NKIRAS1: variants seen among roughly 807,000 people sequenced by gnomAD.
NKIRAS1 encodes the protein NFKB inhibitor interacting Ras like 1, also known as NF-kappa-B inhibitor-interacting Ras-like protein 1.
Under a neutral mutation model 19.8 loss-of-function variants are expected in NKIRAS1, and 16 were observed. The ratio of observed to expected loss-of-function variants is 0.81; its 90% CI spans 0.55 to 1.23. The LOEUF (loss-of-function observed/expected upper bound fraction) is 1.23, where lower values mean the gene tolerates loss of function less well. Ranked by LOEUF, NKIRAS1 falls within the 50% of genes most tolerant of loss-of-function variation. The probability of loss-of-function intolerance (pLI) is 0.00; values close to 1 mark genes in which losing one functional copy is unlikely to be tolerated. For missense variants in NKIRAS1, 184 were observed against 220.0 expected (o/e 0.84, Z 1.04); for synonymous variants, 88 against 79.0 (o/e 1.11, Z -0.61).
chr3:23,929,849 T>A (rs1170060091), intron 1 of NKIRAS1, among the ~76,000 whole-genome samples: 1 of 152,170 alleles, frequency 6.6e-6, no homozygotes, highest in African/African-American at 2.4e-5. Context: ...TTGGAAAATC[T>A]AGACAATAAA....
chr3:23,895,685 C>CTGA (rs1165615175), intron 4 of NKIRAS1, among the ~76,000 whole-genome samples: 1 of 152,148 alleles, frequency 6.6e-6, no homozygotes, highest in Non-Finnish European at 1.5e-5. Context: ...CTCAAATGAA[C>CTGA]TGATGTTCTC....
Position 23,892,550 on chromosome 3 carries a change from C to G in NKIRAS1, c.*545G>C, listed in dbSNP as rs1282181703. 1 of 152,194 alleles carries G rather than the reference C, an allele frequency of 6.6e-6. No homozygotes were observed. Among genetic ancestry groups the G allele is most frequent in the Non-Finnish European group, 1.5e-5 (1 of 68,050 alleles). 9.4% of individuals were successfully genotyped at this position (152,194 alleles called of 1,614,324 possible). Reference sequence around the variant, plus strand: ...CATTCTAATTTGAGCAAAGCTAAATCATGGGTCTTAGTCTGTTTAGCAAAA... The same window carrying G: ...CATTCTAATTTGAGCAAAGCTAAATGATGGGTCTTAGTCTGTTTAGCAAAA... On this transcript the variant is annotated 3_prime_UTR_variant, in exon 5 of 5. Transcript: ENST00000425478.
At chr3:23,931,827 C>T (rs1705322969) in intron 1 of NKIRAS1, among the ~76,000 whole-genome samples, 1 of 152,174 alleles carries the variant, frequency 6.6e-6, no homozygotes, top group African/African-American at 2.4e-5. Context: ...CACCCAGTGA[C>T]TTCAGAAACT....
At chr3:23,938,946 GC>G (rs1209394365) in intron 1 of NKIRAS1, among the ~76,000 whole-genome samples, 1 of 152,190 alleles carries the variant, frequency 6.6e-6, no homozygotes, top group Non-Finnish European at 1.5e-5. Flanking sequence ...AGAGGGAAGT[GC>G]CCAGCTAGCT....
intron 1 of NKIRAS1, chr3:23,916,441 A>C (rs1704444479): frequency 6.6e-6 from 1 of 152,280 alleles, no homozygotes. Context: ...TCATGTTAGC[A>C]AATTTGGGAC....
intron 3 of NKIRAS1, among the ~76,000 whole-genome samples, chr3:23,905,980 G>A (rs1703003802): frequency 6.6e-6 from 1 of 151,896 alleles, no homozygotes; most frequent in South Asian, 2.1e-4. Context: ...GCAACATGGT[G>A]AAACCCTGTC....
In NKIRAS1 at chr3:23,900,946, C is replaced by A; in HGVS notation, c.198G>T (p.Gln66His). 6.2e-7 allele frequency: 1 copy of A among 1,614,214 alleles called. No homozygotes were observed. The highest frequency in any genetic ancestry group is 8.5e-7 in the Non-Finnish European group (1 of 1,180,036). Residue 66 changes from glutamine (Q) to histidine (H), a missense_variant, in exon 4 of 5, where the codon CAG becomes CAT. Physicochemically the swap from Gln to His is conservative, Grantham distance 24. Transcript: ENST00000425478. ...AATGCTTTGGCAGCTCCACGCCTTC[C>A]TGTAGACCTCTGGTGTCATAAAGAT... Reference protein sequence around the residue: ...QLHLYDTRGLQEGVELPKHYF... With the variant: ...QLHLYDTRGLHEGVELPKHYF...
At chr3:23,896,600 G>C (rs554584917) in intron 4 of NKIRAS1, among the ~76,000 whole-genome samples, 2 of 151,502 alleles carry the variant, frequency 1.3e-5, no homozygotes, top group South Asian at 2.1e-4. Context: ...GCAATAGCAA[G>C]ACTCCATCTC....
Position 23,946,126 on chromosome 3 carries a change from C to T in NKIRAS1, c.-140+197G>A, listed in dbSNP as rs1459518332. On this transcript the variant is annotated intron_variant, in intron 1 of 4. Transcript: ENST00000421515. ...GCAGTGACGTCGCCGCGATTCCCTC[C>T]TCCCCCGCGGGGTTGCACACTGCGG... The T allele has an allele frequency of 8.1e-6, 8 of 984,828 alleles. No homozygotes were observed. In the South Asian group the frequency reaches 1.9e-4, roughly 23 times the overall value. 61.0% of individuals were successfully genotyped at this position (984,828 alleles called of 1,614,324 possible). A position where few individuals can be genotyped will look rare whatever the true frequency, so the allele number is the denominator to read the frequency against.
intron 1 of NKIRAS1, among the ~76,000 whole-genome samples, chr3:23,938,491 T>C (rs1327052936): frequency 1.3e-5 from 2 of 152,172 alleles, no homozygotes; most frequent in African/African-American, 2.4e-5. Context: ...TGATTACAGG[T>C]GTGAGCCACC....
chr3:23,918,270 G>A, upstream of NKIRAS1: 1 of 916,004 alleles, frequency 1.1e-6, no homozygotes, highest in Non-Finnish European at 1.6e-6. Flanking sequence ...CTCCCTGTGT[G>A]AGTAGCCTAA....
upstream of NKIRAS1, chr3:23,919,604 T>C: frequency 7.0e-7 from 1 of 1,424,054 alleles, no homozygotes; most frequent in Non-Finnish European, 9.1e-7. Context: ...CAGATGTTTC[T>C]TGAATGCTTT....
At chr3:23,908,252 A>G (rs549948043) in intron 3 of NKIRAS1, among the ~76,000 whole-genome samples, 5 of 152,342 alleles carry the variant, frequency 3.3e-5, no homozygotes, top group African/African-American at 1.2e-4. Context: ...TCAATCAATG[A>G]GATTTTAATT....
chr3:23,942,909 G>A (rs1705533272), intron 1 of NKIRAS1, among the ~76,000 whole-genome samples: 1 of 151,964 alleles, frequency 6.6e-6, no homozygotes, highest in Non-Finnish European at 1.5e-5. Context: ...CACCAAACCC[G>A]GCTAATTTTT....
At chr3:23,934,117 T>A (rs4241517) in intron 1 of NKIRAS1, among the ~76,000 whole-genome samples, 120,113 of 152,198 alleles carry the variant, frequency 0.79, 48,155 homozygotes, top group African/African-American at 0.91. Flanking sequence ...TAGCTCAAAG[T>A]ATGGCAAAGT....
intron 1 of NKIRAS1, among the ~76,000 whole-genome samples, chr3:23,933,406 G>A (rs937848091): frequency 1.3e-5 from 2 of 152,136 alleles, no homozygotes; most frequent in African/African-American, 4.8e-5. Context: ...GACATTTTTG[G>A]TTGTCACAAC....
intron 1 of NKIRAS1, among the ~76,000 whole-genome samples, chr3:23,925,784 A>G (rs1705202587): frequency 2.0e-5 from 3 of 152,234 alleles, no homozygotes; most frequent in Admixed American, 1.3e-4. Flanking sequence ...TTCATTTGAC[A>G]CTTTATTATG....
upstream of NKIRAS1, chr3:23,918,069 T>C (rs2125251617): frequency 1.3e-6 from 2 of 1,583,838 alleles, no homozygotes; most frequent in Admixed American, 1.9e-5. Context: ...GATAAAATTA[T>C]ATTCGAGAAA....
At chr3:23,945,115 A>C (rs1705603031) in intron 1 of NKIRAS1, 2 of 145,406 alleles carry the variant, frequency 1.4e-5, no homozygotes, top group Non-Finnish European at 3.0e-5. Context: ...GGGCTCGGCA[A>C]GGAGAAGGAA....
Sources: gnomAD v4.1 joint callset for allele counts (sites outside exome capture counted in the v4.1 genomes callset) on GRCh38, gnomAD v4.1.1 for gene constraint, MANE v1.5 for transcripts, NCBI Gene and HGNC (gene_info 2026-07-23, HGNC 2026-07-21) for gene names.